Variants in RTL4 observed in about 807,000 individuals in gnomAD.
RTL4 encodes the protein retrotransposon Gag like 4.
RTL4 carries 4 observed loss-of-function variants against 5.3 expected under a neutral mutation model. The ratio of observed to expected loss-of-function variants is 0.75; its 90% CI spans 0.37 to 1.72. The LOEUF is 1.72. Among genes scored for constraint, RTL4 ranks in the 40% most tolerant of loss-of-function variants. The pLI, the probability that RTL4 is intolerant of heterozygous loss-of-function variation, is 0.04. For missense variants in RTL4, 260 were observed against 227.1 expected, an observed-to-expected ratio of 1.14 and a Z score of -0.93; for synonymous variants, 98 against 87.3, an observed-to-expected ratio of 1.12 and a Z score of -0.68.
At chrX:112,321,033 G>A in the RTL4 span, among the ~76,000 whole-genome samples, 1 of 111,189 alleles carries the variant, frequency 9.0e-6, no homozygotes, top group Non-Finnish European at 1.9e-5. Flanking sequence ...CTCATCTTGG[G>A]TTTGTAAGGC....
chrX:112,342,028 A>G, the RTL4 span, among the ~76,000 whole-genome samples: 1 of 111,291 alleles, frequency 9.0e-6, no homozygotes, highest in African/African-American at 3.3e-5. Context: ...GGGGCCTAAC[A>G]TAAAAGAACA....
At chrX:112,245,585 T>C in the RTL4 span, among the ~76,000 whole-genome samples, 9 of 111,914 alleles carry the variant, frequency 8.0e-5, no homozygotes, top group East Asian at 1.7e-3. Flanking sequence ...TTATTCTAGT[T>C]AGCTATTCAT....
At chrX:112,422,008 A>G in the RTL4 span, among the ~76,000 whole-genome samples, 1 of 111,996 alleles carries the variant, frequency 8.9e-6, no homozygotes, top group Non-Finnish European at 1.9e-5. Context: ...TTGAAGAAAC[A>G]GATGGATCAA....
At chrX:112,244,079 G>T in the RTL4 span, among the ~76,000 whole-genome samples, 53 of 112,100 alleles carry the variant, frequency 4.7e-4, no homozygotes, top group African/African-American at 1.5e-3. Context: ...TGTGATTTCT[G>T]TTCTTTTACA....
chrX:112,156,927 G>A, the RTL4 span, among the ~76,000 whole-genome samples: 1 of 111,207 alleles, frequency 9.0e-6, no homozygotes, highest in Non-Finnish European at 1.9e-5. Context: ...AATTTACTAA[G>A]AAGAGAGGTT....
chrX:112,180,552 A>G, the RTL4 span, among the ~76,000 whole-genome samples: 1 of 111,899 alleles, frequency 8.9e-6, no homozygotes, highest in Non-Finnish European at 1.9e-5. Context: ...AGCTTATTAA[A>G]TGGGGTTGGT....
chrX:112,392,476 C>T, the RTL4 span, among the ~76,000 whole-genome samples: 1 of 111,755 alleles, frequency 8.9e-6, no homozygotes, highest in Admixed American at 9.4e-5. Context: ...CAGGGAGGTA[C>T]GGACCTGTTG....
At chrX:112,332,016 G>A in the RTL4 span, among the ~76,000 whole-genome samples, 1 of 107,187 alleles carries the variant, frequency 9.3e-6, no homozygotes, top group African/African-American at 3.4e-5. Flanking sequence ...TGTGGGGTGG[G>A]GGGAAGGGGG....
chrX:112,159,172 G>T, the RTL4 span, among the ~76,000 whole-genome samples: 1 of 112,250 alleles, frequency 8.9e-6, no homozygotes, highest in Non-Finnish European at 1.9e-5. Context: ...TAGTGTGTTT[G>T]CCTCTGTCAC....
chrX:112,220,376 C>G, the RTL4 span, among the ~76,000 whole-genome samples: 1 of 112,676 alleles, frequency 8.9e-6, no homozygotes, highest in Non-Finnish European at 1.9e-5. Context: ...ATGCAGGGCA[C>G]CAAGTCCCAA....
At chrX:112,239,903 C>T in the RTL4 span, among the ~76,000 whole-genome samples, 1 of 111,025 alleles carries the variant, frequency 9.0e-6, no homozygotes, top group East Asian at 2.8e-4. Flanking sequence ...CCTAAATATC[C>T]GAGGATACAA....
At chrX:112,321,273 C>T in the RTL4 span, among the ~76,000 whole-genome samples, 2 of 111,946 alleles carry the variant, frequency 1.8e-5, no homozygotes, top group East Asian at 5.6e-4. Context: ...CTAGGTGGCT[C>T]ATACCTGTAA....
At chrX:112,196,247 C>T in the RTL4 span, among the ~76,000 whole-genome samples, 5 of 111,576 alleles carry the variant, frequency 4.5e-5, no homozygotes, top group African/African-American at 1.6e-4. Context: ...CAGTATGTAA[C>T]CATTGGGATT....
the RTL4 span, among the ~76,000 whole-genome samples, chrX:112,352,622 A>G: frequency 1.5e-4 from 17 of 111,599 alleles, no homozygotes; most frequent in African/African-American, 5.2e-4. Context: ...AAAACTGGCT[A>G]GCCCTATGTA....
the RTL4 span, among the ~76,000 whole-genome samples, chrX:112,291,606 C>CTT: frequency 0.02 from 2,115 of 105,621 alleles, 61 homozygotes; most frequent in African/African-American, 0.067. Context: ...CCCTCTAGTT[C>CTT]TTTTTTTTTT....
At chrX:112,083,573 G>A in the RTL4 span, among the ~76,000 whole-genome samples, 17 of 111,416 alleles carry the variant, frequency 1.5e-4, no homozygotes, top group East Asian at 4.6e-3. Flanking sequence ...CCATAGGGTC[G>A]ATCTCCCAAG....
chrX:112,190,180 C>CTTTCTTTCTT, the RTL4 span, among the ~76,000 whole-genome samples: 7 of 100,383 alleles, frequency 7.0e-5, no homozygotes, highest in African/African-American at 2.6e-4. Context: ...TTCTTTCTTT[C>CTTTCTTTCTT]TTTCTTTCTT....
At chrX:112,227,615 A>G in the RTL4 span, among the ~76,000 whole-genome samples, 1 of 111,899 alleles carries the variant, frequency 8.9e-6, no homozygotes, top group East Asian at 2.8e-4. Flanking sequence ...CTAAGGCATT[A>G]TCGAAGGTTC....
chrX:112,351,926 C>T, the RTL4 span, among the ~76,000 whole-genome samples: 1 of 111,270 alleles, frequency 9.0e-6, no homozygotes, highest in Admixed American at 9.6e-5. Flanking sequence ...TTAGCTGGTT[C>T]TTTTGCTCTT....
Sources: allele counts gnomAD v4.1 joint callset (sites outside exome capture counted in the v4.1 genomes callset), GRCh38; gene constraint gnomAD v4.1.1; transcripts MANE v1.5; gene names NCBI Gene and HGNC (gene_info 2026-07-23, HGNC 2026-07-21).